ASH1L: variants seen among roughly 807,000 people sequenced by gnomAD.
ASH1L encodes ASH1 like histone lysine methyltransferase, also known as histone-lysine N-methyltransferase ASH1L.
A neutral mutation model predicts 269.0 loss-of-function variants in ASH1L; 23 were observed. That is an observed-to-expected ratio of 0.09 (90% CI 0.06 to 0.12). ASH1L has a LOEUF of 0.12. Ranked by LOEUF, ASH1L falls within the 10% of genes least tolerant of loss-of-function variation. The pLI, the probability that ASH1L is intolerant of heterozygous loss-of-function variation, is 1.00. For missense variants in ASH1L, 2,912 were observed against 3,567.8 expected (o/e 0.82, Z 4.68); for synonymous variants, 1,187 against 1,253.5 (o/e 0.95, Z 1.12).
intron 16 of ASH1L, 53 bp from the exon 17 acceptor site, chr1:155,352,911 CTTT>C: frequency 6.6e-7 from 1 of 1,508,752 alleles, no homozygotes; most frequent in South Asian, 1.3e-5. Context: ...CTCTACATGT[CTTT>C]CTCTTTCCCA....
chr1:155,444,632 C>T (rs1662857853), intron 4 of ASH1L, among the ~76,000 whole-genome samples: 1 of 151,792 alleles, frequency 6.6e-6, no homozygotes, highest in African/African-American at 2.4e-5. Context: ...TGTTTGTTTT[C>T]TGAGATGAAG....
chr1:155,342,174 C>T, intron 24 of ASH1L, 72 bp from the exon 25 acceptor site: 3 of 1,435,524 alleles, frequency 2.1e-6, no homozygotes, highest in South Asian at 2.3e-5. Flanking sequence ...AGACCCCATA[C>T]ACACCAATGG....
chr1:155,356,099 G>T (rs757719133), intron 15 of ASH1L, among the ~76,000 whole-genome samples: 2 of 151,786 alleles, frequency 1.3e-5, no homozygotes, highest in Non-Finnish European at 2.9e-5. Flanking sequence ...CACCATGCCT[G>T]GCTAATTTTG....
chr1:155,507,978 T>C (rs1391928990), intron 2 of ASH1L, among the ~76,000 whole-genome samples: 1 of 152,176 alleles, frequency 6.6e-6, no homozygotes, highest in African/African-American at 2.4e-5. Context: ...AGTAGAACTT[T>C]TTATTGCAAG....
intron 12 of ASH1L, among the ~76,000 whole-genome samples, chr1:155,366,658 A>C (rs1432362268): frequency 1.3e-5 from 2 of 152,164 alleles, no homozygotes; most frequent in Non-Finnish European, 2.9e-5. Flanking sequence ...AAGCTATTGT[A>C]AATTGTATTG....
In ASH1L at chr1:155,562,734, C is replaced by G. The variant is rs374122022; in HGVS notation, c.-681G>C. 1.3e-3 allele frequency: 1,702 copies of G among 1,338,730 alleles called. 9 individuals carry two copies. The highest frequency in any genetic ancestry group is 0.012 in the Middle Eastern group (69 of 5,534). The allele number at this position is 1,338,730 out of a possible 1,614,324, so 82.9% of individuals were successfully genotyped here. A position where few individuals can be genotyped will look rare whatever the true frequency, so the allele number is the denominator to read the frequency against. On this transcript the variant is annotated 5_prime_UTR_variant, in exon 1 of 28. Coordinates refer to ENST00000392403, the MANE Select transcript of ASH1L (RefSeq NM_018489.3). ...CCCCTCGTCCAGTCCCTCACTACCC[C>G]TCAGGCCCTGTCAAGCCGGCGCCGG...
intron 2 of ASH1L, among the ~76,000 whole-genome samples, chr1:155,491,553 A>G (rs1217809338): frequency 3.3e-5 from 5 of 152,246 alleles, no homozygotes; most frequent in Non-Finnish European, 7.3e-5. Context: ...AAGGTCACTT[A>G]ACCAGTAAAT....
At chr1:155,349,187 C>G in intron 19 of ASH1L, 140 bp downstream of exon 19, 4 of 817,996 alleles carry the variant, frequency 4.9e-6, no homozygotes, top group Non-Finnish European at 7.5e-6. Flanking sequence ...TACTGTAACA[C>G]ATACCCCAAG....
At chr1:155,413,290 C>T (rs1487604479) in intron 6 of ASH1L, among the ~76,000 whole-genome samples, 2 of 151,950 alleles carry the variant, frequency 1.3e-5, no homozygotes, top group Non-Finnish European at 2.9e-5. Flanking sequence ...TATATAAATG[C>T]GGGTTTGAAA....
intron 24 of ASH1L, chr1:155,342,982 G>C (rs1652941049): frequency 5.3e-6 from 1 of 189,972 alleles, no homozygotes; most frequent in South Asian, 1.3e-4. Context: ...GAATGGGGTG[G>C]GCAATGAACA....
intron 1 of ASH1L, among the ~76,000 whole-genome samples, chr1:155,544,279 G>A (rs1410942859): frequency 6.6e-6 from 1 of 151,450 alleles, no homozygotes; most frequent in Non-Finnish European, 1.5e-5. Context: ...AACCTATGGT[G>A]GAGAAACCCC....
intron 1 of ASH1L, among the ~76,000 whole-genome samples, chr1:155,541,853 T>A (rs573777269): frequency 6.6e-6 from 1 of 152,196 alleles, no homozygotes; most frequent in African/African-American, 2.4e-5. Flanking sequence ...AAAGTATGCA[T>A]CTCATGACCA....
chr1:155,542,758 CA>C (rs1230126738), intron 1 of ASH1L, among the ~76,000 whole-genome samples: 1 of 149,504 alleles, frequency 6.7e-6, no homozygotes, highest in Non-Finnish European at 1.5e-5. Context: ...TGGCTCACTG[CA>C]ACCTCCACCT....
chr1:155,533,304 C>T (rs929896044), intron 1 of ASH1L, among the ~76,000 whole-genome samples: 5 of 151,844 alleles, frequency 3.3e-5, no homozygotes, highest in African/African-American at 7.3e-5. Flanking sequence ...AATCAGCATG[C>T]GGTAGTTACT....
In ASH1L at chr1:155,481,888, T is replaced by C. The variant is rs1356304111; in HGVS notation, c.982A>G (p.Ile328Val). 2 of 1,614,222 alleles carry C rather than the reference T, an allele frequency of 1.2e-6. No individual in the cohort carries two copies. The highest frequency in any genetic ancestry group is 1.1e-5 in the South Asian group (1 of 91,082). ...NKNLGKKPGT[I>V]TTVGLLSKDS... is the part of the protein sequence containing the mutation. ...TTGCTTAGCAGTCCTACTGTAGTGA[T>C]AGTTCCTGGCTTTTTGCCTAAGTTT... The change falls in exon 3 of 28, where the codon ATC becomes GTC. Residue 328 changes from isoleucine (I) to valine (V), a missense_variant. Ile to Val is a conservative substitution (Grantham distance 29). Around this residue, in one of 13 missense-constraint regions of ASH1L, gnomAD observed 277 missense variants for 367.7 expected, o/e 0.75. Coordinates refer to ENST00000392403, the MANE Select transcript of ASH1L (RefSeq NM_018489.3).
At chr1:155,353,677 G>A (rs984318542) in intron 16 of ASH1L, among the ~76,000 whole-genome samples, 37 of 152,110 alleles carry the variant, frequency 2.4e-4, no homozygotes, top group African/African-American at 8.9e-4. Context: ...GTGCTAATCT[G>A]AATGTGAGAA....
chr1:155,506,139 T>G (rs1231540004), intron 2 of ASH1L, among the ~76,000 whole-genome samples: 2 of 152,234 alleles, frequency 1.3e-5, no homozygotes, highest in Non-Finnish European at 2.9e-5. Context: ...GTTTCCAGCT[T>G]CATCTATGTC....
intron 6 of ASH1L, among the ~76,000 whole-genome samples, chr1:155,401,159 T>A (rs1397867839): frequency 6.8e-6 from 1 of 146,140 alleles, no homozygotes; most frequent in Non-Finnish European, 1.5e-5. Context: ...AGACTCTCTG[T>A]CTCAAAAAAA....
chr1:155,428,456 T>C (rs373669259), intron 5 of ASH1L, among the ~76,000 whole-genome samples: 39 of 143,112 alleles, frequency 2.7e-4, no homozygotes, highest in African/African-American at 9.4e-4. Flanking sequence ...AAAAAAAATA[T>C]ATATATATAT....
Sources: gnomAD v4.1 joint callset for allele counts (sites outside exome capture counted in the v4.1 genomes callset) on GRCh38, gnomAD v4.1.1 for gene constraint, gnomAD v4.1.1 regional missense constraint, MANE v1.5 for transcripts, NCBI Gene and HGNC (gene_info 2026-07-23, HGNC 2026-07-21) for gene names.